The following KDM4C variants were observed in gnomAD, a reference collection of about 807,000 sequenced individuals.
The protein encoded by KDM4C is lysine-specific demethylase 4C.
KDM4C carries 81 observed loss-of-function variants against 129.3 expected under a neutral mutation model. That is an observed-to-expected ratio of 0.63 (90% CI 0.52 to 0.75). The LOEUF is 0.75. Among genes scored for constraint, KDM4C ranks in the 30% least tolerant of loss-of-function variants. KDM4C has a pLI of 0.00. For missense variants in KDM4C, 1,457 were observed against 1,304.0 expected (o/e 1.12, Z -1.81); for synonymous variants, 573 against 456.1 (o/e 1.26, Z -3.26).
chr9:6,808,889 A>C (rs556826836), intron 3 of KDM4C, among the ~76,000 whole-genome samples: 2 of 152,186 alleles, frequency 1.3e-5, no homozygotes, highest in East Asian at 3.9e-4. Flanking sequence ...TTCTTTTAAA[A>C]AATTCTGATA....
intron 8 of KDM4C, among the ~76,000 whole-genome samples, chr9:6,923,906 C>T (rs557029899): frequency 6.6e-6 from 1 of 152,296 alleles, no homozygotes; most frequent in East Asian, 1.9e-4. Context: ...AAGCAGGAAT[C>T]TGAGAAGAGA....
chr9:6,835,145 C>T, intron 4 of KDM4C: 1 of 973,956 alleles, frequency 1.0e-6, no homozygotes, highest in Non-Finnish European at 1.7e-6. Flanking sequence ...ATGGCGGCTT[C>T]CAGCTCCTCC....
chr9:6,846,949 C>T (rs4609249), intron 4 of KDM4C, among the ~76,000 whole-genome samples: 15,190 of 152,142 alleles, frequency 0.1, 1,371 homozygotes, highest in African/African-American at 0.24. Context: ...AGAAAAGCTC[C>T]GTGATTTTCC....
chr9:6,734,752 T>C lies in KDM4C; in HGVS notation c.49+13755T>C, dbSNP rs888216855. 22 of 361,414 alleles carry C rather than the reference T, an allele frequency of 6.1e-5. No homozygotes were observed. In the Admixed American group the frequency reaches 7.5e-4, roughly 12 times the overall value. The allele number at this position is 361,414 out of a possible 1,614,324, so 22.4% of individuals were successfully genotyped here. ...GTGTCCTGAGGATGTGACTTGTATA[T>C]AAGCCTCTCACCTACTTAAAATATG... On this transcript the variant is annotated intron_variant, in intron 1 of 17. Coordinates refer to the KDM4C transcript ENST00000536108.
intron 4 of KDM4C, among the ~76,000 whole-genome samples, chr9:6,815,749 A>T (rs1475743357): frequency 6.6e-6 from 1 of 152,334 alleles, no homozygotes; most frequent in Middle Eastern, 3.4e-3. Context: ...ACCTGTAAGT[A>T]TAATGCAAAT....
intron 8 of KDM4C, among the ~76,000 whole-genome samples, chr9:6,930,736 ATAT>A (rs1034967712): frequency 2.9e-5 from 4 of 138,862 alleles, no homozygotes; most frequent in Non-Finnish European, 4.8e-5. Flanking sequence ...TATAATAATT[ATAT>A]TATTATGTAT....
At chr9:6,932,867 A>T (rs956708755) in intron 8 of KDM4C, among the ~76,000 whole-genome samples, 1 of 152,248 alleles carries the variant, frequency 6.6e-6, no homozygotes, top group South Asian at 2.1e-4. Flanking sequence ...ACAAAGGATT[A>T]TATGGCCCCA....
chr9:6,849,460 G>T (rs1204242435), intron 4 of KDM4C, 47 bp from the exon 5 acceptor site: 2 of 1,446,376 alleles, frequency 1.4e-6, no homozygotes, highest in Non-Finnish European at 1.9e-6. Context: ...ATCTTTCATG[G>T]TTTAGTAAGA....
intron 17 of KDM4C, among the ~76,000 whole-genome samples, chr9:7,091,117 G>A (rs1277347591): frequency 6.6e-6 from 1 of 152,078 alleles, no homozygotes; most frequent in African/African-American, 2.4e-5. Flanking sequence ...CTTCTGTTGA[G>A]TTCATGAATA....
chr9:7,031,705 T>C (rs1481965081), intron 15 of KDM4C, among the ~76,000 whole-genome samples: 1 of 152,168 alleles, frequency 6.6e-6, no homozygotes, highest in African/African-American at 2.4e-5. Flanking sequence ...TGTGTGTGTA[T>C]AAAATATTGC....
chr9:7,101,978 A>C (rs1837148039), intron 17 of KDM4C, among the ~76,000 whole-genome samples: 1 of 152,240 alleles, frequency 6.6e-6, no homozygotes. Flanking sequence ...AAAATACTAA[A>C]AATTACAAAA....
intron 8 of KDM4C, among the ~76,000 whole-genome samples, chr9:6,970,097 A>T (rs1831697105): frequency 6.6e-6 from 1 of 152,188 alleles, no homozygotes; most frequent in Non-Finnish European, 1.5e-5. Context: ...AGTTTGGGGG[A>T]CAATCAAGGT....
At chr9:6,786,833 G>T (rs1825598184) in intron 1 of KDM4C, among the ~76,000 whole-genome samples, 1 of 152,094 alleles carries the variant, frequency 6.6e-6, no homozygotes, top group Non-Finnish European at 1.5e-5. Context: ...AAATGCAAAT[G>T]GCTATGTGTG....
intron 15 of KDM4C, among the ~76,000 whole-genome samples, chr9:7,018,406 T>G (rs758271667): frequency 1.3e-5 from 2 of 152,242 alleles, no homozygotes; most frequent in South Asian, 4.1e-4. Flanking sequence ...ATGTAAAGCA[T>G]ATTTAACACA....
intron 4 of KDM4C, among the ~76,000 whole-genome samples, chr9:6,845,068 G>C (rs1837616133): frequency 1.3e-5 from 2 of 152,180 alleles, no homozygotes; most frequent in African/African-American, 4.8e-5. Flanking sequence ...ATTTCTTTCT[G>C]TAGGTGGAAA....
intron 19 of KDM4C, among the ~76,000 whole-genome samples, chr9:7,161,542 G>C (rs1023694741): frequency 6.6e-6 from 1 of 152,128 alleles, no homozygotes; most frequent in Non-Finnish European, 1.5e-5. Context: ...TAAAATCAAA[G>C]TTCTACTCTG....
intron 15 of KDM4C, among the ~76,000 whole-genome samples, chr9:7,019,785 A>ATATAATATTTTTAT (rs1824437910): frequency 7.0e-6 from 1 of 142,334 alleles, no homozygotes; most frequent in African/African-American, 2.6e-5. Flanking sequence ...TATATATAAA[A>ATATAATATTTTTAT]ATATTTTAGA....
intron 8 of KDM4C, among the ~76,000 whole-genome samples, chr9:6,896,964 A>G (rs1019250604): frequency 1.3e-5 from 2 of 152,206 alleles, no homozygotes; most frequent in African/African-American, 4.8e-5. Flanking sequence ...TAGTTGTTCA[A>G]TAAATCTTCC....
At chr9:7,074,669 T>C (rs1265936317) in intron 17 of KDM4C, among the ~76,000 whole-genome samples, 1 of 152,182 alleles carries the variant, frequency 6.6e-6, no homozygotes, top group Non-Finnish European at 1.5e-5. Context: ...TAAATTCAGA[T>C]TTAGCAATTT....
Sources: gnomAD v4.1 joint callset for allele counts (sites outside exome capture counted in the v4.1 genomes callset) on GRCh38, gnomAD v4.1.1 for gene constraint, MANE v1.5 for transcripts, NCBI Gene and HGNC (gene_info 2026-07-23, HGNC 2026-07-21) for gene names.